WASL: variants seen among roughly 807,000 people sequenced by gnomAD.
WASL encodes actin nucleation-promoting factor WASL.
A neutral mutation model predicts 55.5 loss-of-function variants in WASL; 20 were observed. The ratio of observed to expected loss-of-function variants is 0.36; its 90% confidence interval spans 0.25 to 0.52. The LOEUF (loss-of-function observed/expected upper bound fraction) is 0.52. WASL is among the 20% of genes least tolerant of loss of function. The probability of loss-of-function intolerance (pLI) is 0.92; values close to 1 mark genes in which losing one functional copy is unlikely to be tolerated. For missense variants in WASL, 504 were observed against 622.5 expected (o/e 0.81, Z 2.03); for synonymous variants, 249 against 217.6 (o/e 1.14, Z -1.27).
Position 123,682,160 on chromosome 7 carries a change from T to C in WASL, c.*2359A>G, listed in dbSNP as rs1803207439. 6.6e-6 allele frequency: 1 copy of C among 152,148 alleles called. No homozygotes were observed. Among genetic ancestry groups the C allele is most frequent in the African/African-American group, 2.4e-5 (1 of 41,442 alleles). 9.4% of individuals were successfully genotyped at this position (152,148 alleles called of 1,614,324 possible). On this transcript the variant is annotated 3_prime_UTR_variant, in exon 11 of 11. Transcript: ENST00000223023. ...TAGCATTTAGATATAAAAAGCCTCA[T>C]GCTAGTTTGTTAAATGCAAAGGCTA...
chr7:123,686,880 A>T (rs1803300859), intron 10 of WASL, among the ~76,000 whole-genome samples: 1 of 152,196 alleles, frequency 6.6e-6, no homozygotes, highest in Non-Finnish European at 1.5e-5. Flanking sequence ...TACCATAAAC[A>T]TAACCATAAC....
At chr7:123,688,948 TA>T in intron 10 of WASL, 93 bp downstream of exon 10, 2 of 1,107,766 alleles carry the variant, frequency 1.8e-6, no homozygotes, top group Non-Finnish European at 2.7e-6. Flanking sequence ...AAGACAGTCA[TA>T]AAAATAACAG....
In WASL at chr7:123,727,352, G is replaced by GTC. The variant is rs886718707; in HGVS notation, c.118-18131_118-18130dup. On this transcript the variant is annotated intron_variant, in intron 1 of 10. Transcript: ENST00000223023. The stretch of plus-strand genomic sequence containing the variant: ...TTGCCCAAAAGAAATAAAAATATGT[G>GTC]TCACACACACACACACACACACACA... Among the ~76,000 whole-genome samples, 54 of 55,482 alleles carry GTC rather than the reference G, an allele frequency of 9.7e-4. No homozygotes were observed. In the East Asian group the frequency reaches 0.022, roughly 23 times the overall value. The allele number at this position is 55,482 out of a possible 152,430, so 36.4% of individuals were successfully genotyped here.
intron 1 of WASL, among the ~76,000 whole-genome samples, chr7:123,735,131 CAAA>C (rs36043723): frequency 6.3e-5 from 7 of 111,256 alleles, no homozygotes; most frequent in African/African-American, 1.0e-4. Flanking sequence ...AGTGTCTGAC[CAAA>C]AAAAAAAAAA....
chr7:123,700,814 A>G (rs964722366), intron 5 of WASL, among the ~76,000 whole-genome samples: 1 of 152,348 alleles, frequency 6.6e-6, no homozygotes, highest in Non-Finnish European at 1.5e-5. Context: ...TACAAATGTC[A>G]TAATACATTC....
chr7:123,713,171 A>T (rs1285130266), intron 1 of WASL, among the ~76,000 whole-genome samples: 1 of 152,174 alleles, frequency 6.6e-6, no homozygotes, highest in Non-Finnish European at 1.5e-5. Context: ...TTTTTGAGAC[A>T]AGGTCTTGCT....
At chr7:123,716,188 C>T (rs932538970) in intron 1 of WASL, among the ~76,000 whole-genome samples, 2 of 152,020 alleles carry the variant, frequency 1.3e-5, no homozygotes, top group Non-Finnish European at 2.9e-5. Flanking sequence ...CCCTAGGAGT[C>T]CCAGCTCACC....
At chr7:123,722,049 C>T (rs559308842) in intron 1 of WASL, among the ~76,000 whole-genome samples, 3 of 152,214 alleles carry the variant, frequency 2.0e-5, no homozygotes, top group Admixed American at 6.5e-5. Context: ...AGTTTCTGGA[C>T]TCATCTTGCT....
At chr7:123,711,876 G>A (rs561283501) in intron 1 of WASL, among the ~76,000 whole-genome samples, 1 of 152,022 alleles carries the variant, frequency 6.6e-6, no homozygotes, top group Admixed American at 6.5e-5. Flanking sequence ...TAATTAAAAG[G>A]AAAAAAAGTA....
intron 1 of WASL, among the ~76,000 whole-genome samples, chr7:123,713,063 A>C (rs1307954776): frequency 6.6e-6 from 1 of 152,214 alleles, no homozygotes; most frequent in East Asian, 1.9e-4. Context: ...AAAATGATTT[A>C]ATACTGAATA....
At position 123,708,857 on chromosome 7, in the gene WASL, G is replaced by A. The variant is rs1005299649; in HGVS notation, c.252+232C>T. On this transcript the variant is annotated intron_variant, in intron 2 of 10. Coordinates refer to ENST00000223023, the MANE Select transcript of WASL (RefSeq NM_003941.4). ...TTAAAAAAAAAAAAAGCCTTAATGCGTGGTAGCAGGAGAAAGATAAAATAG... is the reference window on the plus strand; with the variant it reads ...TTAAAAAAAAAAAAAGCCTTAATGCATGGTAGCAGGAGAAAGATAAAATAG... Among the ~76,000 whole-genome samples the A allele has an allele frequency of 8.6e-5, 13 of 151,154 alleles. No individual in the cohort carries two copies. The East Asian group carries it at 1.7e-3, about 20-fold the overall frequency.
At chr7:123,698,777 T>G (rs1803530547) in intron 5 of WASL, among the ~76,000 whole-genome samples, 1 of 152,072 alleles carries the variant, frequency 6.6e-6, no homozygotes, top group South Asian at 2.1e-4. Context: ...AAAGGGTGAT[T>G]AGGATGTGAA....
At chr7:123,722,364 A>G (rs932007628) in intron 1 of WASL, among the ~76,000 whole-genome samples, 1 of 152,232 alleles carries the variant, frequency 6.6e-6, no homozygotes, top group Non-Finnish European at 1.5e-5. Context: ...TAATTTAAAG[A>G]ATCGTATTTA....
chr7:123,691,796 T>G (rs907607895), intron 9 of WASL, among the ~76,000 whole-genome samples: 5 of 152,364 alleles, frequency 3.3e-5, no homozygotes, highest in African/African-American at 1.2e-4. Flanking sequence ...GATTCTCTAC[T>G]AATCTAAATT....
In WASL at chr7:123,694,876, A is replaced by G. The variant is rs1161963415; in HGVS notation, c.673-8T>C. On this transcript the variant is annotated splice_region_variant and splice_polypyrimidine_tract_variant and intron_variant, in intron 7 of 10. Coordinates refer to ENST00000223023, the MANE Select transcript of WASL (RefSeq NM_003941.4). ...TGGATCCAAATTATTCAGCTACAAA[A>G]GAAAGTAACTGCTAACTATAAAAAT... 6 of 1,598,608 alleles carry G rather than the reference A, an allele frequency of 3.8e-6. No individual in the cohort carries two copies. The East Asian group carries it at 1.3e-4, about 36-fold the overall frequency.
chr7:123,738,501 A>G (rs1804275873), intron 1 of WASL, among the ~76,000 whole-genome samples: 1 of 152,164 alleles, frequency 6.6e-6, no homozygotes, highest in East Asian at 1.9e-4. Context: ...AGTTCCTACT[A>G]TCTAGCCATT....
At chr7:123,708,571 G>A (rs1349664533) in intron 2 of WASL, among the ~76,000 whole-genome samples, 1 of 152,082 alleles carries the variant, frequency 6.6e-6, no homozygotes, top group Non-Finnish European at 1.5e-5. Flanking sequence ...ATGATTGGAA[G>A]GGAGGGATAT....
Position 123,689,313 on chromosome 7 carries a change from C to A in WASL, c.1348-163G>T, listed in dbSNP as rs76125476. ...ATTAATCAAATTAACAAGAAATAAA[C>A]TGCTGCCTTAAAGATATTATTCAAA... On this transcript the variant is annotated intron_variant, in intron 9 of 10. Transcript: ENST00000223023. Among the ~76,000 whole-genome samples the A allele has an allele frequency of 2.6e-4, 39 of 152,332 alleles. No individual in the cohort carries two copies. In the East Asian group the frequency reaches 7.0e-3, roughly 27 times the overall value.
At chr7:123,745,273 C>G (rs1014940640) in intron 1 of WASL, among the ~76,000 whole-genome samples, 1 of 152,124 alleles carries the variant, frequency 6.6e-6, no homozygotes, top group African/African-American at 2.4e-5. Context: ...AATCAACTAT[C>G]TGATTTCCCT....
Sources: gnomAD v4.1 joint callset for allele counts (sites outside exome capture counted in the v4.1 genomes callset) on GRCh38, gnomAD v4.1.1 for gene constraint, MANE v1.5 for transcripts, NCBI Gene and HGNC (gene_info 2026-07-23, HGNC 2026-07-21) for gene names.